DOCK8: variants seen among roughly 807,000 people sequenced by gnomAD.
DOCK8 encodes dedicator of cytokinesis 8.
In DOCK8, 141 loss-of-function variants were observed where a neutral mutation model predicts 245.6. That is an observed-to-expected ratio of 0.57 (90% CI 0.50 to 0.66). The LOEUF is 0.66. Among genes scored for constraint, DOCK8 ranks in the 30% least tolerant of loss-of-function variants. The probability of loss-of-function intolerance (pLI) is 0.00; values close to 1 mark genes in which losing one functional copy is unlikely to be tolerated. For synonymous variants in DOCK8, 1,168 were observed against 970.2 expected, an observed-to-expected ratio of 1.20 and a Z score of -3.79; for missense variants, 2,965 against 2,603.4, an observed-to-expected ratio of 1.14 and a Z score of -3.02.
intron 37 of DOCK8, among the ~76,000 whole-genome samples, chr9:433,092 CAG>C (rs2056775370): frequency 6.6e-6 from 1 of 152,280 alleles, no homozygotes; most frequent in Non-Finnish European, 1.5e-5. Flanking sequence ...TCCTCATTCT[CAG>C]AATCTTTTTC....
intron 11 of DOCK8, among the ~76,000 whole-genome samples, chr9:334,837 T>C (rs566680959): frequency 1.3e-5 from 2 of 152,138 alleles, no homozygotes; most frequent in South Asian, 4.1e-4. Flanking sequence ...ATCCCACCAC[T>C]TTGGGAGGCC....
At position 374,038 on chromosome 9, in the gene DOCK8, C is replaced by CT. The variant is rs370000682; in HGVS notation, c.2109+1753dup. On this transcript the variant is annotated intron_variant, in intron 18 of 47. Coordinates refer to ENST00000432829, the MANE Select transcript of DOCK8 (RefSeq NM_203447.4). Reference sequence around the variant, plus strand: ...AATGTTGGTGAGTTGCTTACCCTCTCTGAGTCTCGAAGATGAAACTGAGCC... The same window carrying CT: ...AATGTTGGTGAGTTGCTTACCCTCTCTTGAGTCTCGAAGATGAAACTGAGCC... Among the ~76,000 whole-genome samples, 174 of 152,326 alleles carry CT rather than the reference C, an allele frequency of 1.1e-3. 2 individuals are homozygous for CT. The highest frequency in any genetic ancestry group is 4.0e-3 in the African/African-American group (165 of 41,562).
At chr9:370,535 G>A (rs1226570838) in intron 16 of DOCK8, among the ~76,000 whole-genome samples, 1 of 152,176 alleles carries the variant, frequency 6.6e-6, no homozygotes, top group African/African-American at 2.4e-5. Flanking sequence ...TTTTCCAGAA[G>A]CTTCTATTCT....
intron 2 of DOCK8, among the ~76,000 whole-genome samples, chr9:285,991 A>G (rs1236953949): frequency 6.6e-6 from 1 of 152,214 alleles, no homozygotes; most frequent in Non-Finnish European, 1.5e-5. Flanking sequence ...AATGTATAGC[A>G]TAACTTAGGC....
At chr9:403,946 GTA>G (rs760208450) in intron 26 of DOCK8, among the ~76,000 whole-genome samples, 4,275 of 76,208 alleles carry the variant, frequency 0.056, 163 homozygotes, top group Middle Eastern at 0.11. Context: ...ATATATATGT[GTA>G]TATATATATA....
At chr9:241,489 T>G (rs2131414548) in intron 1 of DOCK8, among the ~76,000 whole-genome samples, 2 of 152,336 alleles carry the variant, frequency 1.3e-5, no homozygotes, top group East Asian at 3.9e-4. Flanking sequence ...GTGTTTAACT[T>G]TCTGTTCCTG....
intron 20 of DOCK8, among the ~76,000 whole-genome samples, chr9:378,466 C>G (rs920775416): frequency 3.3e-5 from 5 of 152,230 alleles, no homozygotes; most frequent in Non-Finnish European, 7.3e-5. Flanking sequence ...ATCTCTCACT[C>G]TGCTTTGCAC....
At position 452,034 on chromosome 9, in the gene DOCK8, G is replaced by A. The variant is rs1356573433; in HGVS notation, c.5985G>A (p.Val1995=). The A allele has an allele frequency of 1.9e-6, 3 of 1,568,054 alleles. No homozygotes were observed. The highest frequency in any genetic ancestry group is 2.6e-6 in the Non-Finnish European group (3 of 1,157,228). The change falls in exon 46 of 48, where the codon GTG becomes GTA. Residue 1995 remains valine, a synonymous_variant. Transcript: ENST00000432829. The part of the protein sequence containing the change: ...VNQGPLEVAQ[V]FLAEIPADPK... ...AGGGACCACTGGAAGTAGCCCAAGT[G>A]TTTTTGGCTGAAATTCCTGCTGATC...
At chr9:232,687 G>C (rs1358497215) in intron 1 of DOCK8, among the ~76,000 whole-genome samples, 4 of 152,164 alleles carry the variant, frequency 2.6e-5, no homozygotes, top group Non-Finnish European at 4.4e-5. Flanking sequence ...TTTGCAAAGA[G>C]GTGTTTATAG....
intron 1 of DOCK8, among the ~76,000 whole-genome samples, chr9:257,549 C>G (rs1026079423): frequency 6.6e-6 from 1 of 152,098 alleles, no homozygotes; most frequent in African/African-American, 2.4e-5. Context: ...GAGACAGAGT[C>G]TCACTCTGTC....
chr9:319,600 A>G (rs1440108664), intron 7 of DOCK8, among the ~76,000 whole-genome samples: 1 of 152,166 alleles, frequency 6.6e-6, no homozygotes, highest in African/African-American at 2.4e-5. Flanking sequence ...TTAATGGCAA[A>G]TGTTTTCCCA....
intron 1 of DOCK8, chr9:220,681 T>C (rs977913127): frequency 2.6e-6 from 1 of 389,554 alleles, no homozygotes; most frequent in African/African-American, 2.2e-5. Context: ...AGGAATGTGC[T>C]ACTGCTGTTC....
chr9:347,208 T>G (rs1328637232), intron 14 of DOCK8, among the ~76,000 whole-genome samples: 1 of 152,020 alleles, frequency 6.6e-6, no homozygotes, highest in Non-Finnish European at 1.5e-5. Flanking sequence ...CATATGGAGT[T>G]GTCAAATGCT....
chr9:420,561 G>GT lies in DOCK8; in HGVS notation c.4002dup (p.Val1335CysfsTer5). The GT allele has an allele frequency of 6.2e-7, 1 of 1,614,126 alleles. No homozygotes were observed. Among genetic ancestry groups the GT allele is most frequent in the Non-Finnish European group, 8.5e-7 (1 of 1,180,034 alleles). ...AGGATTTTAGATCTACTTTTCATCT[G>GT]TGTGTTATGTTTTGAGTATAAGGTA... On this transcript the variant is annotated frameshift_variant, in exon 31 of 48. Coordinates refer to ENST00000432829, the MANE Select transcript of DOCK8 (RefSeq NM_203447.4). LOFTEE classifies it high-confidence loss of function.
At chr9:367,394 C>T (rs1045664400) in intron 14 of DOCK8, among the ~76,000 whole-genome samples, 2 of 152,220 alleles carry the variant, frequency 1.3e-5, no homozygotes, top group Admixed American at 1.3e-4. Context: ...GTGGAATCTA[C>T]TACTAATAAT....
At chr9:443,653 C>G (rs2057161520) in intron 43 of DOCK8, 137 bp downstream of exon 43, 6 of 683,710 alleles carry the variant, frequency 8.8e-6, no homozygotes, top group Non-Finnish European at 1.5e-5. Flanking sequence ...TAGAGTTCAA[C>G]TACTAATTGG....
At chr9:238,419 A>C (rs934161408) in intron 1 of DOCK8, among the ~76,000 whole-genome samples, 1 of 152,242 alleles carries the variant, frequency 6.6e-6, no homozygotes, top group Non-Finnish European at 1.5e-5. Flanking sequence ...AGGGTTCCAC[A>C]CTTGGTAGAT....
intron 44 of DOCK8, among the ~76,000 whole-genome samples, chr9:448,062 C>G (rs890138240): frequency 6.6e-6 from 1 of 151,952 alleles, no homozygotes; most frequent in Non-Finnish European, 1.5e-5. Flanking sequence ...CCTTTCCTTT[C>G]GTTCTTCCTT....
chr9:431,183 G>A (rs1356358097), intron 36 of DOCK8, among the ~76,000 whole-genome samples: 2 of 152,128 alleles, frequency 1.3e-5, no homozygotes, highest in Admixed American at 6.6e-5. Context: ...CAAGACTTGA[G>A]TTTTATTCAA....
Sources: allele counts gnomAD v4.1 joint callset (sites outside exome capture counted in the v4.1 genomes callset), GRCh38; gene constraint gnomAD v4.1.1; transcripts MANE v1.5; gene names NCBI Gene and HGNC (gene_info 2026-07-23, HGNC 2026-07-21).